Variants in HIVEP2 observed in about 807,000 individuals in gnomAD.
The protein encoded by HIVEP2 is HIVEP zinc finger 2.
A neutral mutation model predicts 180.7 loss-of-function variants in HIVEP2; 14 were observed. That is an observed-to-expected ratio of 0.08 (90% CI 0.05 to 0.12). The LOEUF (loss-of-function observed/expected upper bound fraction) is 0.12. Among genes scored for constraint, HIVEP2 ranks in the 10% least tolerant of loss-of-function variants. The pLI is 1.00. For missense variants in HIVEP2, 2,579 were observed against 3,008.5 expected (o/e 0.86, Z 3.34); for synonymous variants, 1,184 against 1,136.4 (o/e 1.04, Z -0.84).
intron 2 of HIVEP2, among the ~76,000 whole-genome samples, chr6:142,793,622 C>CTCTTTCTTTCCTTCTT (rs1554279257): frequency 4.0e-5 from 2 of 50,296 alleles, no homozygotes; most frequent in Admixed American, 1.7e-4. Flanking sequence ...ATCCTTCCTT[C>CTCTTTCTTTCCTTCTT]TCTTTCTTTC....
chr6:142,817,883 G>T (rs868642395), intron 2 of HIVEP2, among the ~76,000 whole-genome samples: 1 of 152,102 alleles, frequency 6.6e-6, no homozygotes, highest in Non-Finnish European at 1.5e-5. Context: ...GCACATGCCT[G>T]TAATCCCAGC....
chr6:142,828,608 T>C (rs192193306), intron 2 of HIVEP2, among the ~76,000 whole-genome samples: 1 of 152,250 alleles, frequency 6.6e-6, no homozygotes, highest in Non-Finnish European at 1.5e-5. Context: ...GGCTAATTTT[T>C]GTATTTAGAG....
intron 1 of HIVEP2, among the ~76,000 whole-genome samples, chr6:142,895,048 T>G (rs1226107002): frequency 6.6e-6 from 1 of 152,224 alleles, no homozygotes; most frequent in East Asian, 1.9e-4. Context: ...TGACCAAAAA[T>G]ATCACAAGTA....
chr6:142,763,413 T>C (rs907390498), intron 7 of HIVEP2, among the ~76,000 whole-genome samples: 1 of 152,234 alleles, frequency 6.6e-6, no homozygotes, highest in African/African-American at 2.4e-5. Context: ...CAGGATGTTT[T>C]GCTCATTTTA....
At chr6:142,905,852 C>A (rs1404213680) in intron 1 of HIVEP2, among the ~76,000 whole-genome samples, 1 of 152,206 alleles carries the variant, frequency 6.6e-6, no homozygotes, top group Non-Finnish European at 1.5e-5. Context: ...GATAATCAGT[C>A]CGGGCGTGGT....
At chr6:142,871,100 C>T (rs893082809) in intron 1 of HIVEP2, among the ~76,000 whole-genome samples, 27 of 152,116 alleles carry the variant, frequency 1.8e-4, no homozygotes, top group Non-Finnish European at 2.9e-5. Context: ...AGAAGAAAGT[C>T]GCTTCTCCAC....
chr6:142,925,213 A>T (rs373140340), intron 1 of HIVEP2, among the ~76,000 whole-genome samples: 1 of 152,222 alleles, frequency 6.6e-6, no homozygotes, highest in East Asian at 1.9e-4. Context: ...ATTTTTAGAA[A>T]GTAATCTTGC....
intron 1 of HIVEP2, among the ~76,000 whole-genome samples, chr6:142,838,578 T>C (rs1222388792): frequency 6.6e-6 from 1 of 152,124 alleles, no homozygotes; most frequent in East Asian, 1.9e-4. Flanking sequence ...TCAAATAATA[T>C]TTGGTAGCTA....
intron 2 of HIVEP2, among the ~76,000 whole-genome samples, chr6:142,784,277 A>G (rs1284940088): frequency 6.6e-6 from 1 of 152,198 alleles, no homozygotes; most frequent in East Asian, 1.9e-4. Context: ...ATAATATTAT[A>G]ATACCCATAA....
At position 142,791,748 on chromosome 6, in the gene HIVEP2, A is replaced by C. The variant is rs528050791; in HGVS notation, c.-527-8133T>G. Among the ~76,000 whole-genome samples, 4 of 152,336 alleles carry C rather than the reference A, an allele frequency of 2.6e-5. No individual in the cohort carries two copies. The East Asian group carries it at 7.7e-4, about 29-fold the overall frequency. ...ACCAAAAAATCCCCAAATACATATAAATTTAAATCAATTTCAATGACACCA... is the reference window on the plus strand; with the variant it reads ...ACCAAAAAATCCCCAAATACATATACATTTAAATCAATTTCAATGACACCA... On this transcript the variant is annotated intron_variant, in intron 2 of 9. Transcript: ENST00000367603.
rs575783527 is a variant in HIVEP2 at position 142,792,230 on chromosome 6, C to T, written c.-527-8615G>A. Among the ~76,000 whole-genome samples the T allele has an allele frequency of 4.7e-4, 71 of 152,218 alleles. 1 individual carries two copies. Among genetic ancestry groups the T allele is most frequent in the African/African-American group, 1.6e-3 (66 of 41,532 alleles). On this transcript the variant is annotated intron_variant, in intron 2 of 9. Coordinates refer to ENST00000367603, the MANE Select transcript of HIVEP2 (RefSeq NM_006734.4). ...TATTATATCCCATTTCTTTCCATCC[C>T]TTTCGGGCAAACTCTGCAAATGTAT...
In HIVEP2 at chr6:142,831,816, G is replaced by A. The variant is rs149087022; in HGVS notation, c.-528+5119C>T. Among the ~76,000 whole-genome samples the A allele has an allele frequency of 6.2e-4, 94 of 152,236 alleles. 1 individual carries two copies. In the South Asian group the frequency reaches 9.3e-3, roughly 15 times the overall value. ...GGCTCTGGATATTTAATAGGTATCAGACTTGCAGATTCATCTCACAAATAT... is the reference window on the plus strand; with the variant it reads ...GGCTCTGGATATTTAATAGGTATCAAACTTGCAGATTCATCTCACAAATAT... On this transcript the variant is annotated intron_variant, in intron 2 of 9. Coordinates refer to ENST00000367603, the MANE Select transcript of HIVEP2 (RefSeq NM_006734.4).
intron 1 of HIVEP2, among the ~76,000 whole-genome samples, chr6:142,911,836 G>A (rs1256709133): frequency 6.6e-6 from 1 of 152,204 alleles, no homozygotes; most frequent in Non-Finnish European, 1.5e-5. Flanking sequence ...ATCTATGCAT[G>A]AGTGTGTGTG....
chr6:142,804,309 AAGAC>A (rs1776491869), intron 2 of HIVEP2, among the ~76,000 whole-genome samples: 1 of 152,142 alleles, frequency 6.6e-6, no homozygotes, highest in Non-Finnish European at 1.5e-5. Context: ...GTGTCCCACA[AAGAC>A]AGCAGGTAAG....
intron 1 of HIVEP2, among the ~76,000 whole-genome samples, chr6:142,872,498 T>A (rs1314899814): frequency 1.3e-5 from 2 of 152,202 alleles, no homozygotes; most frequent in African/African-American, 2.4e-5. Context: ...GCCATCTTTT[T>A]CTGCTCCAGC....
intron 3 of HIVEP2, among the ~76,000 whole-genome samples, chr6:142,779,117 A>AG (rs943228217): frequency 2.6e-5 from 4 of 151,988 alleles, no homozygotes; most frequent in African/African-American, 7.2e-5. Context: ...TTTTTAGAGG[A>AG]GGGGGGTCTC....
intron 2 of HIVEP2, among the ~76,000 whole-genome samples, chr6:142,828,705 C>T (rs557413841): frequency 6.6e-6 from 1 of 152,284 alleles, no homozygotes; most frequent in Non-Finnish European, 1.5e-5. Flanking sequence ...GCTGGGATGA[C>T]AGGTGTGAGC....
At chr6:142,800,773 T>C (rs1776384838) in intron 2 of HIVEP2, among the ~76,000 whole-genome samples, 1 of 152,154 alleles carries the variant, frequency 6.6e-6, no homozygotes, top group African/African-American at 2.4e-5. Context: ...CTGGCTCTAT[T>C]ATATAAAACT....
intron 1 of HIVEP2, among the ~76,000 whole-genome samples, chr6:142,926,365 T>A (rs1234168572): frequency 6.6e-6 from 1 of 152,254 alleles, no homozygotes; most frequent in Non-Finnish European, 1.5e-5. Context: ...GAGATCATTT[T>A]CTTGTAATGA....
Sources: allele counts gnomAD v4.1 joint callset (sites outside exome capture counted in the v4.1 genomes callset), GRCh38; gene constraint gnomAD v4.1.1; transcripts MANE v1.5; gene names NCBI Gene and HGNC (gene_info 2026-07-23, HGNC 2026-07-21).